AGO3: variants seen among roughly 807,000 people sequenced by gnomAD.
AGO3 encodes argonaute RISC catalytic component 3.
In AGO3, 16 loss-of-function variants were observed where a neutral mutation model predicts 105.5. The observed-to-expected ratio is 0.15, with a 90% CI of 0.10 to 0.23. AGO3 has a LOEUF of 0.23. Ranked by LOEUF, AGO3 falls within the 10% of genes least tolerant of loss-of-function variation. AGO3 has a pLI of 1.00. For synonymous variants in AGO3, 340 were observed against 367.3 expected (o/e 0.93, Z 0.85); for missense variants, 534 against 1,088.0 (o/e 0.49, Z 7.16).
chr1:36,031,442 C>T (rs886935409), intron 12 of AGO3, among the ~76,000 whole-genome samples: 1 of 151,722 alleles, frequency 6.6e-6, no homozygotes. Context: ...AACAAATACC[C>T]TGTTTTTATT....
At chr1:35,954,631 G>T (rs1646532416) in intron 2 of AGO3, among the ~76,000 whole-genome samples, 1 of 152,188 alleles carries the variant, frequency 6.6e-6, no homozygotes, top group Non-Finnish European at 1.5e-5. Flanking sequence ...TTCATTAACT[G>T]TTTACTCCTG....
rs553646180 is a variant in AGO3, at chr1:35,943,033, C to T, written c.20-2659C>T. On this transcript the variant is annotated intron_variant, in intron 1 of 18. Coordinates refer to ENST00000373191, the MANE Select transcript of AGO3 (RefSeq NM_024852.4). ...TGTTTTTTTTTTTGAGACGGAGTCT[C>T]GCTCTGTCACCCAGGCGGGAGTGCA... 3.3e-5 allele frequency among the ~76,000 whole-genome samples: 5 copies of T among 151,732 alleles called. No homozygotes were observed. In the East Asian group the frequency reaches 7.8e-4, roughly 24 times the overall value.
At chr1:36,007,194 T>C (rs985399382) in intron 6 of AGO3, among the ~76,000 whole-genome samples, 1 of 152,114 alleles carries the variant, frequency 6.6e-6, no homozygotes, top group Non-Finnish European at 1.5e-5. Flanking sequence ...GAATCACAAA[T>C]ATGAAAGAGA....
intron 11 of AGO3, among the ~76,000 whole-genome samples, 180 bp from the exon 12 acceptor site, chr1:36,026,934 T>C (rs944214159): frequency 1.3e-5 from 2 of 152,240 alleles, no homozygotes; most frequent in African/African-American, 4.8e-5. Context: ...ATGTTCTTCA[T>C]TTGCAAAATG....
At chr1:36,021,976 A>G (rs1641251214) in intron 11 of AGO3, among the ~76,000 whole-genome samples, 1 of 152,042 alleles carries the variant, frequency 6.6e-6, no homozygotes, top group Admixed American at 6.6e-5. Context: ...ATCTTTTAAA[A>G]GAGGGAATAA....
At chr1:36,043,699 C>A (rs1035427289) in intron 17 of AGO3, 151 bp downstream of exon 17, 73 of 669,140 alleles carry the variant, frequency 1.1e-4, no homozygotes, top group African/African-American at 3.7e-5. Flanking sequence ...AAACAAATGT[C>A]TTCCCTTTCC....
chr1:35,939,936 C>T (rs970257111), intron 1 of AGO3, among the ~76,000 whole-genome samples: 1 of 151,950 alleles, frequency 6.6e-6, no homozygotes, highest in African/African-American at 2.4e-5. Flanking sequence ...TTAGTAGTAA[C>T]TATAAAAGTT....
intron 5 of AGO3, among the ~76,000 whole-genome samples, chr1:35,978,146 A>G (rs1646984939): frequency 6.6e-6 from 1 of 152,202 alleles, no homozygotes; most frequent in Non-Finnish European, 1.5e-5. Flanking sequence ...TGAATCAATG[A>G]AATAAAATCT....
At chr1:36,018,248 A>G (rs1641010911) in intron 11 of AGO3, among the ~76,000 whole-genome samples, 1 of 151,880 alleles carries the variant, frequency 6.6e-6, no homozygotes, top group Non-Finnish European at 1.5e-5. Flanking sequence ...CTGAGATTAC[A>G]GTTGTGAGCC....
chr1:35,949,416 A>G (rs564141317), intron 2 of AGO3, among the ~76,000 whole-genome samples: 1 of 152,216 alleles, frequency 6.6e-6, no homozygotes, highest in Non-Finnish European at 1.5e-5. Context: ...CTGCATGACT[A>G]GTCAGTTGAA....
At chr1:35,942,302 AG>A (rs1165697469) in intron 1 of AGO3, among the ~76,000 whole-genome samples, 4 of 152,318 alleles carry the variant, frequency 2.6e-5, no homozygotes, top group East Asian at 1.9e-4. Flanking sequence ...ACATTTTGTT[AG>A]GATTTTTGCA....
chr1:36,030,568 A>G (rs1309679687), intron 12 of AGO3, among the ~76,000 whole-genome samples: 3 of 152,080 alleles, frequency 2.0e-5, no homozygotes, highest in Non-Finnish European at 2.9e-5. Context: ...TTGTGCTGCT[A>G]AATTAGCAAA....
At chr1:36,001,465 A>G (rs1640079895) in intron 5 of AGO3, among the ~76,000 whole-genome samples, 3 of 152,296 alleles carry the variant, frequency 2.0e-5, no homozygotes, top group South Asian at 4.1e-4. Flanking sequence ...ATAGTTTCAT[A>G]TTAGTACATA....
In AGO3 at chr1:36,063,532, A is replaced by G. The variant is rs938751455; in HGVS notation, c.*7787A>G. ...TCCCCCATAATTTGTTATATGGAAGATTTGCTACCCTGATCTTTTCCCTAG... is the reference window on the plus strand; with the variant it reads ...TCCCCCATAATTTGTTATATGGAAGGTTTGCTACCCTGATCTTTTCCCTAG... On this transcript the variant is annotated 3_prime_UTR_variant, in exon 19 of 19. Coordinates refer to ENST00000373191, the MANE Select transcript of AGO3 (RefSeq NM_024852.4). The G allele has an allele frequency of 3.2e-4, 48 of 152,250 alleles. No homozygotes were observed. The highest frequency in any genetic ancestry group is 1.1e-3 in the African/African-American group (44 of 41,548). The allele number at this position is 152,250 out of a possible 1,614,324, so 9.4% of individuals were successfully genotyped here.
intron 1 of AGO3, among the ~76,000 whole-genome samples, chr1:35,935,283 CAT>C (rs1646129250): frequency 6.6e-6 from 1 of 152,124 alleles, no homozygotes; most frequent in Non-Finnish European, 1.5e-5. Flanking sequence ...AGGGAAAAGA[CAT>C]ATAGATAACC....
rs555293615 is a variant in AGO3, at chr1:35,953,777, G to T, written c.191+7914G>T. Among the ~76,000 whole-genome samples the T allele has an allele frequency of 1.4e-4, 21 of 152,194 alleles. No homozygotes were observed. The South Asian group carries it at 4.1e-3, about 30-fold the overall frequency. ...TTCACCCGCCTCACCCTTCCAAAGT[G>T]CTGGGGTTACAGGCATGAGCCACTG... On this transcript the variant is annotated intron_variant, in intron 2 of 18. Transcript: ENST00000373191.
intron 5 of AGO3, among the ~76,000 whole-genome samples, chr1:35,986,060 A>G (rs1182725350): frequency 6.6e-6 from 1 of 152,248 alleles, no homozygotes; most frequent in Non-Finnish European, 1.5e-5. Context: ...GTGAAAAGAA[A>G]AATCTTATGA....
intron 3 of AGO3, among the ~76,000 whole-genome samples, chr1:35,971,011 G>A (rs1001200515): frequency 1.4e-4 from 20 of 144,236 alleles, no homozygotes; most frequent in African/African-American, 4.5e-4. Context: ...ACAGGAGTAA[G>A]CCACCATACC....
chr1:35,931,305 GC>G lies in AGO3; in HGVS notation c.-117del. 3.4e-6 allele frequency: 3 copies of G among 892,682 alleles called. No homozygotes were observed. The highest frequency in any genetic ancestry group is 5.6e-5 in the South Asian group (2 of 35,622). 55.3% of individuals were successfully genotyped at this position (892,682 alleles called of 1,614,324 possible). A position where few individuals can be genotyped will look rare whatever the true frequency, so the allele number is the denominator to read the frequency against. On this transcript the variant is annotated 5_prime_UTR_variant, in exon 1 of 19. Transcript: ENST00000373191. ...CGGTTGCTCAGGGGAAGCCGTCGCC[GC>G]CCCCGCCTCGGGGCCGAGTGAGAGT...
Sources: gnomAD v4.1 joint callset for allele counts (sites outside exome capture counted in the v4.1 genomes callset) on GRCh38, gnomAD v4.1.1 for gene constraint, MANE v1.5 for transcripts, NCBI Gene and HGNC (gene_info 2026-07-23, HGNC 2026-07-21) for gene names.